The following ZFPM2 variants were observed in gnomAD, a reference collection of about 807,000 sequenced individuals.
The protein encoded by ZFPM2 is zinc finger protein, FOG family member 2, also known as zinc finger protein ZFPM2.
In ZFPM2, 20 loss-of-function variants were observed where a neutral mutation model predicts 98.6. That is an observed-to-expected ratio of 0.20 (90% CI 0.14 to 0.29). The LOEUF is 0.29. Ranked by LOEUF, ZFPM2 falls within the 10% of genes least tolerant of loss-of-function variation. ZFPM2 has a pLI of 1.00. For synonymous variants in ZFPM2, 518 were observed against 502.7 expected, an observed-to-expected ratio of 1.03 and a Z score of -0.41; for missense variants, 1,310 against 1,388.6, an observed-to-expected ratio of 0.94 and a Z score of 0.90.
At chr8:105,668,573 A>C (rs946846692) in intron 5 of ZFPM2, among the ~76,000 whole-genome samples, 1 of 152,190 alleles carries the variant, frequency 6.6e-6, no homozygotes, top group African/African-American at 2.4e-5. Flanking sequence ...TAGAATTATA[A>C]GAATTGTTCA....
intron 1 of ZFPM2, among the ~76,000 whole-genome samples, chr8:105,324,307 A>G (rs922144927): frequency 5.9e-5 from 9 of 151,930 alleles, no homozygotes; most frequent in Non-Finnish European, 1.2e-4. Context: ...CTATATCTAT[A>G]TGTATCCATA....
intron 5 of ZFPM2, among the ~76,000 whole-genome samples, chr8:105,658,957 C>A (rs1276410481): frequency 6.6e-6 from 1 of 152,032 alleles, no homozygotes; most frequent in East Asian, 1.9e-4. Context: ...AGAGGTAAAA[C>A]AATTATTTAA....
chr8:105,736,434 G>A (rs1451299712), intron 5 of ZFPM2, among the ~76,000 whole-genome samples: 1 of 152,000 alleles, frequency 6.6e-6, no homozygotes, highest in Non-Finnish European at 1.5e-5. Context: ...TAAGGAGCCA[G>A]TGTGGCATCC....
At chr8:105,520,716 A>T (rs1294568385) in intron 3 of ZFPM2, among the ~76,000 whole-genome samples, 1 of 151,966 alleles carries the variant, frequency 6.6e-6, no homozygotes, top group Non-Finnish European at 1.5e-5. Flanking sequence ...GGTGGGAAGG[A>T]TATGGGGAAG....
intron 2 of ZFPM2, among the ~76,000 whole-genome samples, chr8:105,420,353 TC>T (rs1172046038): frequency 2.0e-5 from 3 of 152,126 alleles, no homozygotes; most frequent in Non-Finnish European, 4.4e-5. Context: ...CATTAAAAGT[TC>T]CAGTATCATT....
chr8:105,764,474 T>C (rs543557296), intron 5 of ZFPM2, among the ~76,000 whole-genome samples: 2 of 151,838 alleles, frequency 1.3e-5, no homozygotes, highest in Non-Finnish European at 2.9e-5. Flanking sequence ...ATTATGACTT[T>C]TTTACTTCCG....
chr8:105,804,339 C>G lies in ZFPM2; in HGVS notation c.*801C>G, dbSNP rs925333208. On this transcript the variant is annotated 3_prime_UTR_variant, in exon 8 of 8. Transcript: ENST00000407775. ...TTAATCAGTTTTATCTTTTGAAAGG[C>G]ACAGTCTAAATCGAAACCCTAAACT... The G allele has an allele frequency of 2.0e-5, 3 of 152,550 alleles. No individual in the cohort carries two copies. Among genetic ancestry groups the G allele is most frequent in the Non-Finnish European group, 4.4e-5 (3 of 68,020 alleles). 9.4% of individuals were successfully genotyped at this position (152,550 alleles called of 1,614,324 possible).
At chr8:105,777,964 A>G (rs1813144158) in intron 5 of ZFPM2, among the ~76,000 whole-genome samples, 1 of 152,066 alleles carries the variant, frequency 6.6e-6, no homozygotes, top group South Asian at 2.1e-4. Context: ...TAATTCCTCT[A>G]TTGTTTTAAG....
chr8:105,340,633 T>C (rs1351298690), intron 1 of ZFPM2, among the ~76,000 whole-genome samples: 3 of 151,966 alleles, frequency 2.0e-5, no homozygotes, highest in Non-Finnish European at 4.4e-5. Flanking sequence ...AGACTTCTAA[T>C]TAATAAATTT....
chr8:105,760,502 CAT>C (rs1202909546), intron 5 of ZFPM2, among the ~76,000 whole-genome samples: 2 of 151,876 alleles, frequency 1.3e-5, no homozygotes, highest in African/African-American at 2.4e-5. Context: ...TCAAAGCAAA[CAT>C]AAACTTAAAT....
At chr8:105,548,927 G>C (rs543089229) in intron 3 of ZFPM2, among the ~76,000 whole-genome samples, 34 of 152,258 alleles carry the variant, frequency 2.2e-4, no homozygotes, top group African/African-American at 7.5e-4. Flanking sequence ...TTTTGAATGA[G>C]TAAATATGTA....
chr8:105,580,864 T>G (rs1427054351), intron 4 of ZFPM2, among the ~76,000 whole-genome samples: 1 of 149,524 alleles, frequency 6.7e-6, no homozygotes, highest in Admixed American at 6.7e-5. Context: ...AGAGAAAAAA[T>G]CTTTTTGATC....
At chr8:105,687,006 T>A (rs1181193219) in intron 5 of ZFPM2, among the ~76,000 whole-genome samples, 1 of 152,142 alleles carries the variant, frequency 6.6e-6, no homozygotes, top group African/African-American at 2.4e-5. Context: ...CAGTGTCCTG[T>A]GTAGTTAAAT....
chr8:105,654,190 C>A (rs1221969241), intron 5 of ZFPM2, among the ~76,000 whole-genome samples: 1 of 149,558 alleles, frequency 6.7e-6, no homozygotes, highest in Admixed American at 6.7e-5. Context: ...ATCCTTCCTG[C>A]GAAGTAAAAG....
At chr8:105,452,174 A>G (rs554900240) in intron 3 of ZFPM2, among the ~76,000 whole-genome samples, 70 of 152,332 alleles carry the variant, frequency 4.6e-4, no homozygotes, top group African/African-American at 1.4e-3. Context: ...GTTGGTCTAT[A>G]TAAAATTCTA....
intron 1 of ZFPM2, among the ~76,000 whole-genome samples, chr8:105,417,276 C>T (rs1380061796): frequency 6.6e-6 from 1 of 152,158 alleles, no homozygotes; most frequent in Non-Finnish European, 1.5e-5. Flanking sequence ...TCATAATTCT[C>T]ATACTTACTT....
chr8:105,566,006 T>C (rs1815236200), intron 4 of ZFPM2, among the ~76,000 whole-genome samples: 2 of 152,128 alleles, frequency 1.3e-5, no homozygotes. Context: ...GTGGTGCAGA[T>C]GAAGTTCGAT....
chr8:105,540,745 C>G (rs1055506388), intron 3 of ZFPM2, among the ~76,000 whole-genome samples: 1 of 152,062 alleles, frequency 6.6e-6, no homozygotes, highest in African/African-American at 2.4e-5. Context: ...CATTGTCTCT[C>G]TTCTGTAGTT....
At chr8:105,354,005 G>C (rs753468384) in intron 1 of ZFPM2, among the ~76,000 whole-genome samples, 4 of 152,100 alleles carry the variant, frequency 2.6e-5, no homozygotes, top group African/African-American at 9.7e-5. Flanking sequence ...CTGGATCATC[G>C]TTGTCCAGAT....
Sources: allele counts gnomAD v4.1 joint callset (sites outside exome capture counted in the v4.1 genomes callset), GRCh38; gene constraint gnomAD v4.1.1; transcripts MANE v1.5; gene names NCBI Gene and HGNC (gene_info 2026-07-23, HGNC 2026-07-21).